RUFY4: variants seen among roughly 807,000 people sequenced by gnomAD.
RUFY4 encodes RUN and FYVE domain containing 4.
Under a neutral mutation model 69.0 loss-of-function variants are expected in RUFY4, and 73 were observed. The ratio of observed to expected loss-of-function variants is 1.06; its 90% CI spans 0.88 to 1.29. The LOEUF (loss-of-function observed/expected upper bound fraction) is 1.29. Ranked by LOEUF, RUFY4 falls within the 50% of genes most tolerant of loss-of-function variation. RUFY4 has a pLI of 0.00. For missense variants in RUFY4, 770 were observed against 705.6 expected (o/e 1.09, Z -1.03); for synonymous variants, 287 against 271.8 (o/e 1.06, Z -0.55).
intron 2 of RUFY4, among the ~76,000 whole-genome samples, chr2:218,071,635 C>A (rs938605256): frequency 7.2e-5 from 11 of 152,144 alleles, no homozygotes; most frequent in Non-Finnish European, 1.5e-4. Context: ...GGACCCATCC[C>A]CCATCTCAGC....
chr2:218,083,242 G>A (rs770050775), exon 9 of RUFY4: 3 of 1,607,074 alleles, frequency 1.9e-6, no homozygotes, highest in Non-Finnish European at 2.6e-6. Context: ...AGAGGCGGGT[G>A]TTGGAACTGA....
In RUFY4 at chr2:218,089,245, C is replaced by T. The variant is rs981857139; in HGVS notation, c.1503-7C>T. On this transcript the variant is annotated splice_region_variant and splice_polypyrimidine_tract_variant and intron_variant, in intron 9 of 10. Transcript: ENST00000344321. ...TCTGTGTCTCTCCACCTTCATCCCC[C>T]CATCAGAGAGAAGGACCGCCTGTGG... 2.5e-6 allele frequency: 4 copies of T among 1,608,368 alleles called. No individual in the cohort carries two copies. The African/African-American group carries it at 5.3e-5, about 22-fold the overall frequency.
chr2:218,070,906 T>C (rs1689471024), intron 2 of RUFY4, 47 bp downstream of exon 4: 2 of 1,417,290 alleles, frequency 1.4e-6, no homozygotes, highest in East Asian at 2.5e-5. Context: ...CAGACCCAGA[T>C]AACTGGTGGG....
At chr2:218,066,177 C>CTTTTTTTTTTTTTTTTT, upstream of RUFY4, among the ~76,000 whole-genome samples, 1 of 74,456 alleles carries the variant, frequency 1.3e-5, no homozygotes, top group Non-Finnish European at 2.4e-5. Context: ...CTTTTCTTTT[C>CTTTTTTTTTTTTTTTTT]TTTTTTTTTT....
intron 5 of RUFY4, 50 bp from the exon 8 acceptor site, chr2:218,073,766 G>C: frequency 6.2e-7 from 1 of 1,604,664 alleles, no homozygotes; most frequent in Non-Finnish European, 8.5e-7. Context: ...TGAGGACCAA[G>C]CCCAACACTG....
chr2:218,061,393 C>T (rs776009330), intron 3 of RUFY4: 2 of 216,970 alleles, frequency 9.2e-6, no homozygotes, highest in Non-Finnish European at 1.9e-5. Context: ...ATGTAATTTT[C>T]CCAGCCAAAA....
chr2:218,041,816 G>A (rs1421167850), intron 2 of RUFY4, among the ~76,000 whole-genome samples: 1 of 152,102 alleles, frequency 6.6e-6, no homozygotes, highest in African/African-American at 2.4e-5. Flanking sequence ...GTCTTCTCAG[G>A]GATTCCTGAG....
chr2:218,039,145 T>C (rs1353805093), intron 2 of RUFY4, among the ~76,000 whole-genome samples: 2 of 152,136 alleles, frequency 1.3e-5, no homozygotes, highest in Non-Finnish European at 2.9e-5. Flanking sequence ...TCACTATTTA[T>C]ACATGAAAAG....
intron 2 of RUFY4, among the ~76,000 whole-genome samples, chr2:218,037,181 G>A (rs201603999): frequency 3.3e-5 from 5 of 152,048 alleles, no homozygotes; most frequent in African/African-American, 7.2e-5. Context: ...TTAGCCGGGC[G>A]TGGTGGCAGG....
At chr2:218,058,271 T>G (rs1317861696) in intron 2 of RUFY4, among the ~76,000 whole-genome samples, 3 of 152,242 alleles carry the variant, frequency 2.0e-5, no homozygotes, top group Non-Finnish European at 4.4e-5. Flanking sequence ...TTCCTTTATT[T>G]TAACGTTTTA....
intron 2 of RUFY4, among the ~76,000 whole-genome samples, chr2:218,056,514 A>C (rs918518585): frequency 1.6e-4 from 25 of 152,200 alleles, no homozygotes; most frequent in African/African-American, 6.0e-4. Context: ...GGATGGGCTC[A>C]TCCTGGCATG....
At chr2:218,067,022 A>T (rs13385486), upstream of RUFY4, among the ~76,000 whole-genome samples, 9,871 of 152,322 alleles carry the variant, frequency 0.065, 553 homozygotes, top group African/African-American at 0.15. Flanking sequence ...TCAACACGCT[A>T]ATACAGACAA....
chr2:218,062,508 C>T (rs529113991), intron 3 of RUFY4, among the ~76,000 whole-genome samples: 3 of 151,920 alleles, frequency 2.0e-5, no homozygotes, highest in Admixed American at 6.6e-5. Flanking sequence ...AGCAGGAGTT[C>T]GTGACCAGCC....
intron 2 of RUFY4, among the ~76,000 whole-genome samples, chr2:218,054,785 C>T (rs1689024044): frequency 2.0e-5 from 3 of 152,088 alleles, no homozygotes; most frequent in Non-Finnish European, 4.4e-5. Context: ...CTCTCTTAAG[C>T]TATCTGTAGT....
At chr2:218,052,762 G>A (rs1688976170) in intron 2 of RUFY4, among the ~76,000 whole-genome samples, 1 of 148,514 alleles carries the variant, frequency 6.7e-6, no homozygotes, top group South Asian at 2.1e-4. Context: ...AAAAGATAAC[G>A]TCTTGTGTTT....
At chr2:218,036,142 G>A (rs539903137) in intron 2 of RUFY4, among the ~76,000 whole-genome samples, 1 of 152,230 alleles carries the variant, frequency 6.6e-6, no homozygotes, top group Non-Finnish European at 1.5e-5. Flanking sequence ...GGTTATGTGG[G>A]GATTGAATGG....
intron 2 of RUFY4, among the ~76,000 whole-genome samples, chr2:218,055,908 C>T (rs962179338): frequency 1.3e-5 from 2 of 152,180 alleles, no homozygotes; most frequent in African/African-American, 2.4e-5. Flanking sequence ...TCATTGACTA[C>T]CTTTCCACTT....
exon 7 of RUFY4, chr2:218,075,511 G>A: frequency 6.4e-7 from 1 of 1,572,380 alleles, no homozygotes; most frequent in Non-Finnish European, 8.6e-7. Flanking sequence ...GCAGAGTGGA[G>A]TCACGTCCAG....
intron 8 of RUFY4, among the ~76,000 whole-genome samples, chr2:218,081,239 G>A (rs1288944170): frequency 6.6e-6 from 1 of 151,986 alleles, no homozygotes; most frequent in East Asian, 1.9e-4. Context: ...TACCTTCCCT[G>A]CCCCCCACTG....
Sources: allele counts gnomAD v4.1 joint callset (sites outside exome capture counted in the v4.1 genomes callset), GRCh38; gene constraint gnomAD v4.1.1; transcripts MANE v1.5; gene names NCBI Gene and HGNC (gene_info 2026-07-23, HGNC 2026-07-21).